PPP2R5A: variants seen among roughly 807,000 people sequenced by gnomAD.
PPP2R5A encodes protein phosphatase 2 regulatory subunit B'alpha.
Under a neutral mutation model 64.2 loss-of-function variants are expected in PPP2R5A, and 25 were observed. The ratio of observed to expected loss-of-function variants is 0.39; its 90% confidence interval spans 0.28 to 0.54. PPP2R5A has a LOEUF of 0.54. PPP2R5A is among the 20% of genes least tolerant of loss of function. The probability of loss-of-function intolerance (pLI) is 0.67; values close to 1 mark genes in which losing one functional copy is unlikely to be tolerated. For synonymous variants in PPP2R5A, 198 were observed against 201.2 expected (o/e 0.98, Z 0.13); for missense variants, 425 against 576.3 (o/e 0.74, Z 2.69).
intron 1 of PPP2R5A, among the ~76,000 whole-genome samples, chr1:212,300,959 G>A (rs557049367): frequency 6.6e-6 from 1 of 152,104 alleles, no homozygotes; most frequent in Non-Finnish European, 1.5e-5. Context: ...TATGCTGATG[G>A]TAGAAGGAAG....
chr1:212,306,741 A>G lies in PPP2R5A; in HGVS notation c.181+20450A>G, dbSNP rs1389675559. ...TGATGGGCTTGGTTAATCCATTTACATTTATTTATTTATTTATTTATTTAT... is the reference window on the plus strand; with the variant it reads ...TGATGGGCTTGGTTAATCCATTTACGTTTATTTATTTATTTATTTATTTAT... On this transcript the variant is annotated intron_variant, in intron 1 of 12. Coordinates refer to ENST00000261461, the MANE Select transcript of PPP2R5A (RefSeq NM_006243.4). The G allele has an allele frequency of 2.3e-4, 5 of 22,198 alleles. 1 individual carries two copies. The highest frequency in any genetic ancestry group is 3.7e-4 in the Non-Finnish European group (5 of 13,522). 1.4% of individuals were successfully genotyped at this position (22,198 alleles called of 1,614,324 possible).
intron 1 of PPP2R5A, among the ~76,000 whole-genome samples, chr1:212,290,164 A>G (rs1051484778): frequency 1.3e-5 from 2 of 152,220 alleles, no homozygotes; most frequent in African/African-American, 4.8e-5. Flanking sequence ...CACTAGAGGT[A>G]TTGAGGCCAG....
At chr1:212,332,895 TTTTTTA>T (rs1280171865) in intron 2 of PPP2R5A, among the ~76,000 whole-genome samples, 1 of 151,790 alleles carries the variant, frequency 6.6e-6, no homozygotes, top group Non-Finnish European at 1.5e-5. Context: ...TCTTTTTTAT[TTTTTTA>T]TTTTTATTTT....
At chr1:212,347,946 C>T (rs1322717004) in intron 6 of PPP2R5A, among the ~76,000 whole-genome samples, 1 of 152,114 alleles carries the variant, frequency 6.6e-6, no homozygotes, top group Non-Finnish European at 1.5e-5. Flanking sequence ...ACTATTTAGA[C>T]AATGATTTTA....
At chr1:212,307,139 C>T (rs1168993116) in intron 1 of PPP2R5A, among the ~76,000 whole-genome samples, 1 of 152,018 alleles carries the variant, frequency 6.6e-6, no homozygotes, top group Non-Finnish European at 1.5e-5. Flanking sequence ...TTCTCTGTCC[C>T]TCATGTCTTT....
chr1:212,316,171 C>G (rs1659148622), intron 1 of PPP2R5A, among the ~76,000 whole-genome samples: 1 of 152,108 alleles, frequency 6.6e-6, no homozygotes, highest in South Asian at 2.1e-4. Context: ...AAATCAGAAG[C>G]TAGAAATGAT....
chr1:212,293,694 ATT>A (rs879752237), intron 1 of PPP2R5A, among the ~76,000 whole-genome samples: 3 of 146,052 alleles, frequency 2.1e-5, no homozygotes, highest in Admixed American at 6.9e-5. Context: ...ACATACTGGA[ATT>A]TTTTTTTTTT....
chr1:212,358,825 T>TCAAC, intron 12 of PPP2R5A, 38 bp downstream of exon 12: 1 of 1,509,428 alleles, frequency 6.6e-7, no homozygotes, highest in Non-Finnish European at 9.2e-7. Context: ...ATCTATACAT[T>TCAAC]TTATGTTAGT....
intron 1 of PPP2R5A, among the ~76,000 whole-genome samples, chr1:212,294,406 A>C (rs1658656013): frequency 6.6e-6 from 1 of 152,332 alleles, no homozygotes; most frequent in Admixed American, 6.5e-5. Flanking sequence ...ATTGAAGTTA[A>C]AAGTAAAATA....
At chr1:212,293,951 G>T (rs1044641621) in intron 1 of PPP2R5A, among the ~76,000 whole-genome samples, 1 of 152,054 alleles carries the variant, frequency 6.6e-6, no homozygotes, top group African/African-American at 2.4e-5. Context: ...TTTTCTTTAA[G>T]GTAGGGAGGA....
intron 1 of PPP2R5A, among the ~76,000 whole-genome samples, chr1:212,313,459 A>T (rs1489460875): frequency 1.3e-5 from 2 of 151,788 alleles, no homozygotes; most frequent in African/African-American, 4.8e-5. Context: ...TCGGTCATTT[A>T]TGTTTCATGT....
intron 3 of PPP2R5A, among the ~76,000 whole-genome samples, chr1:212,341,530 A>G (rs532251585): frequency 2.6e-4 from 40 of 152,322 alleles, no homozygotes; most frequent in Admixed American, 1.8e-3. Flanking sequence ...GTCCACTGGG[A>G]AGGAACATCT....
intron 1 of PPP2R5A, among the ~76,000 whole-genome samples, chr1:212,304,484 G>A (rs1658859058): frequency 6.6e-6 from 1 of 151,988 alleles, no homozygotes; most frequent in South Asian, 2.1e-4. Context: ...GGGAGGAGGA[G>A]GTTGTGGTGA....
chr1:212,286,034 G>C lies in PPP2R5A; in HGVS notation c.-77G>C. The C allele has an allele frequency of 7.2e-7, 1 of 1,392,548 alleles. No individual in the cohort carries two copies. The allele number at this position is 1,392,548 out of a possible 1,614,324, so 86.3% of individuals were successfully genotyped here. On this transcript the variant is annotated 5_prime_UTR_variant, in exon 1 of 13. Coordinates refer to ENST00000261461, the MANE Select transcript of PPP2R5A (RefSeq NM_006243.4). ...CGCGAGCACCCCGCGCCTCTCCCCC[G>C]CCTCCTCCTGCCGTCTCCGCCGCTG...
intron 1 of PPP2R5A, among the ~76,000 whole-genome samples, chr1:212,318,874 T>C (rs1659208276): frequency 6.6e-6 from 1 of 152,222 alleles, no homozygotes; most frequent in South Asian, 2.1e-4. Flanking sequence ...TTAATGCAAA[T>C]ACTAGACCAT....
intron 1 of PPP2R5A, chr1:212,306,704 A>G (rs990349580): frequency 2.0e-5 from 3 of 151,674 alleles, no homozygotes; most frequent in Admixed American, 6.6e-5. Flanking sequence ...CAGTTTGACA[A>G]TCTCTACCTT....
rs541063214 is a variant in PPP2R5A at position 212,324,176 on chromosome 1, C to T, written c.182-4959C>T. On this transcript the variant is annotated intron_variant, in intron 1 of 12. Transcript: ENST00000261461. Reference sequence around the variant, plus strand: ...ATCATTAGACAAATTTGTCATTGTGCGAACATCATAGAGTATACTTCCACA... The same window carrying T: ...ATCATTAGACAAATTTGTCATTGTGTGAACATCATAGAGTATACTTCCACA... 5.3e-5 allele frequency among the ~76,000 whole-genome samples: 8 copies of T among 152,090 alleles called. No individual in the cohort carries two copies. The South Asian group carries it at 8.3e-4, about 16-fold the overall frequency.
At chr1:212,305,029 C>A (rs1658870628) in intron 1 of PPP2R5A, among the ~76,000 whole-genome samples, 2 of 149,150 alleles carry the variant, frequency 1.3e-5, no homozygotes, top group African/African-American at 5.0e-5. Context: ...CCACACCCGG[C>A]CCCCAATTTT....
chr1:212,324,431 T>G (rs1659371639), intron 1 of PPP2R5A, among the ~76,000 whole-genome samples: 1 of 152,164 alleles, frequency 6.6e-6, no homozygotes, highest in Non-Finnish European at 1.5e-5. Context: ...GAAAGTCATT[T>G]TGTGTCTTCT....
Sources: gnomAD v4.1 joint callset for allele counts (sites outside exome capture counted in the v4.1 genomes callset) on GRCh38, gnomAD v4.1.1 for gene constraint, MANE v1.5 for transcripts, NCBI Gene and HGNC (gene_info 2026-07-23, HGNC 2026-07-21) for gene names.